GRM1: variants seen among roughly 807,000 people sequenced by gnomAD.
GRM1 encodes the protein glutamate metabotropic receptor 1.
A neutral mutation model predicts 90.9 loss-of-function variants in GRM1; 33 were observed. The ratio of observed to expected loss-of-function variants is 0.36; its 90% CI spans 0.28 to 0.49. The LOEUF is 0.49. GRM1 is among the 20% of genes least tolerant of loss of function. The probability of loss-of-function intolerance (pLI) is 0.99; values close to 1 mark genes in which losing one functional copy is unlikely to be tolerated. For missense variants in GRM1, 1,190 were observed against 1,534.3 expected (o/e 0.78, Z 3.75); for synonymous variants, 700 against 613.2 (o/e 1.14, Z -2.09).
rs1159072995 is a variant in GRM1 at position 146,387,426 on chromosome 6, A to G, written c.1729+410A>G. Among the ~76,000 whole-genome samples, 5 of 152,212 alleles carry G rather than the reference A, an allele frequency of 3.3e-5. No homozygotes were observed. The South Asian group carries it at 8.3e-4, about 25-fold the overall frequency. On this transcript the variant is annotated intron_variant, in intron 6 of 7. Coordinates refer to ENST00000282753, the MANE Select transcript of GRM1 (RefSeq NM_001278064.2). Reference sequence around the variant, plus strand: ...TATTTTGTATAAAATCTATCAGGGAAGAAACATGGAAAAATATAATATAAC... The same window carrying G: ...TATTTTGTATAAAATCTATCAGGGAGGAAACATGGAAAAATATAATATAAC...
At chr6:146,316,039 T>C (rs1471366201) in intron 3 of GRM1, among the ~76,000 whole-genome samples, 1 of 152,210 alleles carries the variant, frequency 6.6e-6, no homozygotes, top group African/African-American at 2.4e-5. Context: ...ATTTATTATG[T>C]TACAATTCTG....
intron 7 of GRM1, among the ~76,000 whole-genome samples, chr6:146,416,441 T>G (rs1437475688): frequency 1.3e-5 from 2 of 152,178 alleles, no homozygotes; most frequent in African/African-American, 4.8e-5. Context: ...TAATCTTTTA[T>G]AGTCTCAAAT....
At chr6:146,158,894 G>A (rs897988829) in intron 1 of GRM1, among the ~76,000 whole-genome samples, 6 of 152,092 alleles carry the variant, frequency 3.9e-5, no homozygotes, top group Non-Finnish European at 8.8e-5. Context: ...CTCATTCTTC[G>A]TGGAAACGTT....
intron 1 of GRM1, among the ~76,000 whole-genome samples, chr6:146,035,154 C>CAAAACTCTAACCA (rs1790843191): frequency 6.6e-6 from 1 of 151,820 alleles, no homozygotes; most frequent in Non-Finnish European, 1.5e-5. Flanking sequence ...GTGAAAAAAA[C>CAAAACTCTAACCA]AGATTTGCTT....
rs966422751 is a variant in GRM1, at chr6:146,275,365, G to A, written c.951-29246G>A. Among the ~76,000 whole-genome samples, 7 of 152,220 alleles carry A rather than the reference G, an allele frequency of 4.6e-5. No individual in the cohort carries two copies. The South Asian group carries it at 6.2e-4, about 14-fold the overall frequency. On this transcript the variant is annotated intron_variant, in intron 2 of 7. Transcript: ENST00000282753. Reference sequence around the variant, plus strand: ...GAATGATAGCTGGGGGTTGCTAGGCGTGTACATGGGACAGTTTGTACATGC... The same window carrying A: ...GAATGATAGCTGGGGGTTGCTAGGCATGTACATGGGACAGTTTGTACATGC...
At chr6:146,150,741 C>T (rs2128887976) in intron 1 of GRM1, among the ~76,000 whole-genome samples, 1 of 152,236 alleles carries the variant, frequency 6.6e-6, no homozygotes, top group Admixed American at 6.5e-5. Context: ...TTCTGACCAT[C>T]CTTCTACTCT....
intron 1 of GRM1, among the ~76,000 whole-genome samples, chr6:146,117,918 A>G (rs558791698): frequency 6.6e-6 from 1 of 152,170 alleles, no homozygotes; most frequent in South Asian, 2.1e-4. Flanking sequence ...GTAACTACTT[A>G]TAAACAATTA....
intron 7 of GRM1, among the ~76,000 whole-genome samples, chr6:146,409,483 A>G (rs9497538): frequency 0.016 from 2,403 of 152,276 alleles, 83 homozygotes; most frequent in African/African-American, 0.055. Context: ...TATTATATAG[A>G]TTTCTGGCTA....
chr6:146,215,908 C>A (rs1562534399), intron 2 of GRM1, among the ~76,000 whole-genome samples: 1 of 152,066 alleles, frequency 6.6e-6, no homozygotes, highest in Non-Finnish European at 1.5e-5. Context: ...AGGTGCCTGC[C>A]ACCATGCCCG....
At position 146,226,077 on chromosome 6, in the gene GRM1, T is replaced by C. The variant is rs1780229781; in HGVS notation, c.950+66480T>C. Among the ~76,000 whole-genome samples the C allele has an allele frequency of 1.3e-5, 2 of 152,150 alleles. 1 individual carries two copies. Among genetic ancestry groups the C allele is most frequent in the South Asian group, 4.1e-4 (2 of 4,830 alleles). On this transcript the variant is annotated intron_variant, in intron 2 of 7. Coordinates refer to ENST00000282753, the MANE Select transcript of GRM1 (RefSeq NM_001278064.2). ...CCTGAAACTCAAGGGCAAGTTCTGCTTCATTTAAGCCGATCAGTAAAGCCA... is the reference window on the plus strand; with the variant it reads ...CCTGAAACTCAAGGGCAAGTTCTGCCTCATTTAAGCCGATCAGTAAAGCCA...
chr6:146,368,260 T>TTGGGGGG (rs1491160990), intron 5 of GRM1, among the ~76,000 whole-genome samples: 2 of 115,856 alleles, frequency 1.7e-5, no homozygotes, highest in Non-Finnish European at 3.7e-5. Context: ...AGTTTTTTTT[T>TTGGGGGG]GGGGGGGGGG....
Position 146,089,107 on chromosome 6 carries a change from G to GCCT in GRM1, c.700+58892_700+58894dup, listed in dbSNP as rs1776636104. Reference sequence around the variant, plus strand: ...ACTTCTGTTATTGTTCATTATGTAAGCCTCTGTCTGGCTGGCAGACTCACT... The same window carrying GCCT: ...ACTTCTGTTATTGTTCATTATGTAAGCCTCCTCTGTCTGGCTGGCAGACTCACT... On this transcript the variant is annotated intron_variant, in intron 1 of 7. Coordinates refer to ENST00000282753, the MANE Select transcript of GRM1 (RefSeq NM_001278064.2). 2.6e-5 allele frequency among the ~76,000 whole-genome samples: 4 copies of GCCT among 152,160 alleles called. 1 individual carries two copies. In the South Asian group the frequency reaches 8.3e-4, roughly 32 times the overall value.
At chr6:146,356,699 A>G (rs3819837) in intron 4 of GRM1, among the ~76,000 whole-genome samples, 30,166 of 152,170 alleles carry the variant, frequency 0.2, 3,300 homozygotes, top group Middle Eastern at 0.27. Flanking sequence ...CCTAAGTAGT[A>G]TAATCTACTG....
At chr6:146,080,074 T>C (rs1263164319) in intron 1 of GRM1, among the ~76,000 whole-genome samples, 1 of 152,140 alleles carries the variant, frequency 6.6e-6, no homozygotes, top group African/African-American at 2.4e-5. Context: ...TAGGTAAGTG[T>C]GAGATTTTGG....
At chr6:146,088,150 T>C (rs1222832983) in intron 1 of GRM1, among the ~76,000 whole-genome samples, 1 of 152,182 alleles carries the variant, frequency 6.6e-6, no homozygotes, top group African/African-American at 2.4e-5. Flanking sequence ...GTACTAATAA[T>C]TCACTGAGGT....
In GRM1 at chr6:146,339,304, A is replaced by G. The variant is rs540270386; in HGVS notation, c.1187-12946A>G. ...CCCAAACTCAATTCACAACCTTAAC[A>G]TGGAACATAATTTTTGCTCTATGTT... is the stretch of plus-strand genomic sequence containing the variant. On this transcript the variant is annotated intron_variant, in intron 3 of 7. Coordinates refer to ENST00000282753, the MANE Select transcript of GRM1 (RefSeq NM_001278064.2). Among the ~76,000 whole-genome samples, 5 of 152,266 alleles carry G rather than the reference A, an allele frequency of 3.3e-5. No individual in the cohort carries two copies. The South Asian group carries it at 1.0e-3, about 32-fold the overall frequency.
intron 2 of GRM1, among the ~76,000 whole-genome samples, chr6:146,276,149 G>A (rs73783682): frequency 7.0e-4 from 107 of 152,244 alleles, no homozygotes; most frequent in Middle Eastern, 3.4e-3. Context: ...TTGGCCTAGA[G>A]CTATCTTAAA....
intron 1 of GRM1, among the ~76,000 whole-genome samples, chr6:146,156,224 G>A (rs1476435234): frequency 6.6e-6 from 1 of 152,124 alleles, no homozygotes; most frequent in East Asian, 1.9e-4. Context: ...TGGCCAATGT[G>A]GTGAAACCCT....
At chr6:146,270,879 TTC>T (rs1223440910) in intron 2 of GRM1, among the ~76,000 whole-genome samples, 8 of 96,092 alleles carry the variant, frequency 8.3e-5, no homozygotes, top group East Asian at 2.6e-4. Flanking sequence ...CTTTCTTTCT[TTC>T]TTTCTTTCTT....
Sources: gnomAD v4.1 joint callset for allele counts (sites outside exome capture counted in the v4.1 genomes callset) on GRCh38, gnomAD v4.1.1 for gene constraint, MANE v1.5 for transcripts, NCBI Gene and HGNC (gene_info 2026-07-23, HGNC 2026-07-21) for gene names.